ADGRV1: variants seen among roughly 807,000 people sequenced by gnomAD.
The protein encoded by ADGRV1 is adhesion G protein-coupled receptor V1, also known as G-protein coupled receptor 98.
In ADGRV1, 359 loss-of-function variants were observed where a neutral mutation model predicts 596.2. That is an observed-to-expected ratio of 0.60 (90% CI 0.55 to 0.66). The LOEUF is 0.66. ADGRV1 is among the 30% of genes least tolerant of loss of function. The probability of loss-of-function intolerance (pLI) is 0.00; values close to 1 mark genes in which losing one functional copy is unlikely to be tolerated. For missense variants in ADGRV1, 7,274 were observed against 7,575.6 expected (o/e 0.96, Z 1.48); for synonymous variants, 2,681 against 2,679.2 (o/e 1.00, Z -0.02).
At chr5:91,098,664 A>G (rs976080345) in intron 86 of ADGRV1, among the ~76,000 whole-genome samples, 2 of 152,028 alleles carry the variant, frequency 1.3e-5, no homozygotes, top group East Asian at 1.9e-4. Flanking sequence ...GTGCCAAACT[A>G]CTATACTTTT....
rs753443514 is a variant in ADGRV1, at chr5:90,653,753, T to A, written c.4179T>A (p.His1393Gln). The change falls in exon 20 of 90, where the codon CAT (histidine) becomes CAA (glutamine). Residue 1393 changes from histidine (H) to glutamine (Q), a missense_variant. Around this residue, in one of 5 missense-constraint regions of ADGRV1, gnomAD observed 1,715 missense variants for 1,708.8 expected, o/e 1.00. Coordinates refer to ENST00000405460, the MANE Select transcript of ADGRV1 (RefSeq NM_032119.4). ...YGVKIQTNES[H>Q]VTLSLHYKTL... ...TAAAAATACAAACAAACGAATCCCA[T>A]GTGACACTTTCCCTTCATTATAAAA... 1.2e-6 allele frequency: 2 copies of A among 1,613,120 alleles called. No individual in the cohort carries two copies. The highest frequency in any genetic ancestry group is 1.7e-6 in the Non-Finnish European group (2 of 1,179,498).
chr5:90,598,455 T>C (rs1239973711), intron 1 of ADGRV1, among the ~76,000 whole-genome samples: 1 of 152,152 alleles, frequency 6.6e-6, no homozygotes, highest in Non-Finnish European at 1.5e-5. Context: ...ACTAAAGAAA[T>C]GGCATAGGCA....
At chr5:90,928,681 G>T (rs1229742698) in intron 83 of ADGRV1, among the ~76,000 whole-genome samples, 5 of 150,258 alleles carry the variant, frequency 3.3e-5, no homozygotes, top group Non-Finnish European at 5.9e-5. Context: ...GTGAGGAACT[G>T]CGTTCCTTTG....
intron 10 of ADGRV1, 143 bp downstream of exon 10, chr5:90,635,433 A>G (rs1019165400): frequency 4.9e-5 from 33 of 671,008 alleles, no homozygotes; most frequent in East Asian, 7.7e-5. Flanking sequence ...GTCATTTGAA[A>G]TAGGTAACTG....
intron 71 of ADGRV1, among the ~76,000 whole-genome samples, chr5:90,803,099 CT>C (rs1761553789): frequency 6.6e-6 from 1 of 151,832 alleles, no homozygotes; most frequent in Non-Finnish European, 1.5e-5. Context: ...GTCCATATCT[CT>C]TCTTGATATT....
At chr5:90,831,703 C>T (rs1292028026) in intron 77 of ADGRV1, among the ~76,000 whole-genome samples, 1 of 151,838 alleles carries the variant, frequency 6.6e-6, no homozygotes, top group African/African-American at 2.4e-5. Flanking sequence ...TTCTAACTTC[C>T]CTCAACCCCC....
intron 87 of ADGRV1, among the ~76,000 whole-genome samples, chr5:91,109,408 A>G (rs963698410): frequency 6.6e-6 from 1 of 152,150 alleles, no homozygotes; most frequent in Non-Finnish European, 1.5e-5. Flanking sequence ...CCACTTCCCC[A>G]TGATGTGAGG....
intron 23 of ADGRV1, 168 bp downstream of exon 23, chr5:90,674,402 T>C (rs932223320): frequency 4.7e-6 from 2 of 423,052 alleles, no homozygotes; most frequent in Middle Eastern, 5.1e-4. Context: ...ACATTGTTTA[T>C]GAGAGAAAAT....
At chr5:90,686,086 C>A in intron 29 of ADGRV1, 91 bp downstream of exon 29, 4 of 653,156 alleles carry the variant, frequency 6.1e-6, no homozygotes, top group East Asian at 4.0e-5. Context: ...CTCAAAGTTG[C>A]AATTAGGATA....
intron 33 of ADGRV1, among the ~76,000 whole-genome samples, chr5:90,696,367 ACTT>A (rs1198385161): frequency 1.3e-5 from 2 of 152,044 alleles, no homozygotes; most frequent in East Asian, 3.9e-4. Flanking sequence ...GGAGACTGGT[ACTT>A]GATGCTGTCA....
intron 50 of ADGRV1, among the ~76,000 whole-genome samples, chr5:90,743,345 G>A (rs748707724): frequency 2.6e-5 from 4 of 152,090 alleles, no homozygotes; most frequent in Non-Finnish European, 5.9e-5. Context: ...ACGAACAGTG[G>A]TTCTTGATAT....
chr5:90,632,894 G>A (rs1043779665), intron 9 of ADGRV1, among the ~76,000 whole-genome samples: 1 of 152,166 alleles, frequency 6.6e-6, no homozygotes, highest in African/African-American at 2.4e-5. Context: ...ACAGCTGTAG[G>A]TTCTGGAAGG....
chr5:90,756,924 G>T, intron 56 of ADGRV1, 55 bp from the exon 57 acceptor site: 2 of 1,334,158 alleles, frequency 1.5e-6, no homozygotes, highest in South Asian at 2.9e-5. Flanking sequence ...TTAGAAAGAT[G>T]ACTTATGAGA....
intron 48 of ADGRV1, among the ~76,000 whole-genome samples, chr5:90,727,604 T>A (rs1178530187): frequency 2.6e-5 from 4 of 152,230 alleles, no homozygotes; most frequent in Non-Finnish European, 5.9e-5. Flanking sequence ...TTGAAATTAT[T>A]TAATATGGGC....
chr5:90,837,415 G>T (rs185629448), intron 77 of ADGRV1, among the ~76,000 whole-genome samples: 4 of 145,436 alleles, frequency 2.8e-5, no homozygotes. Flanking sequence ...CTGTCGCCCT[G>T]GCTGGAGTGC....
chr5:90,787,981 A>G (rs767317972), intron 67 of ADGRV1, 90 bp from the exon 68 acceptor site: 117 of 833,540 alleles, frequency 1.4e-4, no homozygotes, highest in Admixed American at 3.1e-4. Flanking sequence ...ATATGTGTAT[A>G]TATTTTCTTA....
At position 91,120,827 on chromosome 5, in the gene ADGRV1, G is replaced by A. The variant is rs1793248188; in HGVS notation, c.18432+18487G>A. Among the ~76,000 whole-genome samples, 5 of 152,184 alleles carry A rather than the reference G, an allele frequency of 3.3e-5. No individual in the cohort carries two copies. In the South Asian group the frequency reaches 1.0e-3, roughly 31 times the overall value. The stretch of plus-strand genomic sequence containing the variant: ...CTTTAGCTGTGCTTGGCAATGTGGA[G>A]TATAGCTGTACAGAAGGGAATGAGA... On this transcript the variant is annotated intron_variant, in intron 87 of 89. Coordinates refer to ENST00000405460, the MANE Select transcript of ADGRV1 (RefSeq NM_032119.4).
At chr5:90,968,464 AT>A (rs1380266526) in intron 84 of ADGRV1, among the ~76,000 whole-genome samples, 1 of 152,226 alleles carries the variant, frequency 6.6e-6, no homozygotes, top group East Asian at 1.9e-4. Context: ...CCTGATTCAC[AT>A]TTAGTAGACC....
Position 91,148,956 on chromosome 5 carries a change from A to C in ADGRV1, c.18433-1074A>C, listed in dbSNP as rs148308425. Among the ~76,000 whole-genome samples the C allele has an allele frequency of 1.4e-4, 22 of 152,342 alleles. No homozygotes were observed. In the East Asian group the frequency reaches 4.0e-3, roughly 28 times the overall value. ...CTGCCCTATTGGATTTTGGACTTGC[A>C]TGGAGTCTGTTGCCCCTCTGTTTTG... On this transcript the variant is annotated intron_variant, in intron 87 of 89. Coordinates refer to ENST00000405460, the MANE Select transcript of ADGRV1 (RefSeq NM_032119.4).
Sources: allele counts gnomAD v4.1 joint callset (sites outside exome capture counted in the v4.1 genomes callset), GRCh38; gene constraint gnomAD v4.1.1; regional missense constraint gnomAD v4.1.1; transcripts MANE v1.5; gene names NCBI Gene and HGNC (gene_info 2026-07-23, HGNC 2026-07-21).